The following MB21D2 variants were observed in gnomAD, a reference collection of about 807,000 sequenced individuals.
MB21D2 encodes the protein Mab-21 domain containing 2, also known as nucleotidyltransferase MB21D2.
In MB21D2, 9 loss-of-function variants were observed where a neutral mutation model predicts 33.3. The ratio of observed to expected loss-of-function variants is 0.27; its 90% CI spans 0.16 to 0.47. The LOEUF is 0.47. Ranked by LOEUF, MB21D2 falls within the 20% of genes least tolerant of loss-of-function variation. The pLI is 0.99. For missense variants in MB21D2, 540 were observed against 624.6 expected, an observed-to-expected ratio of 0.86 and a Z score of 1.44; for synonymous variants, 241 against 236.3, an observed-to-expected ratio of 1.02 and a Z score of -0.18.
chr3:192,898,212 T>C (rs1366189797), intron 1 of MB21D2, among the ~76,000 whole-genome samples: 1 of 134,324 alleles, frequency 7.4e-6, no homozygotes, highest in South Asian at 2.5e-4. Flanking sequence ...CAAAAACACA[T>C]GAATCTCACG....
intron 1 of MB21D2, among the ~76,000 whole-genome samples, chr3:192,803,301 A>G (rs1348746380): frequency 6.6e-6 from 1 of 152,252 alleles, no homozygotes; most frequent in Non-Finnish European, 1.5e-5. Flanking sequence ...AAAGGAGTCA[A>G]CATCAAGTAT....
At chr3:192,883,485 G>A (rs1713651865) in intron 1 of MB21D2, among the ~76,000 whole-genome samples, 1 of 152,098 alleles carries the variant, frequency 6.6e-6, no homozygotes, top group South Asian at 2.1e-4. Flanking sequence ...ATTGACAGTG[G>A]CTGAAGCGTA....
intron 1 of MB21D2, among the ~76,000 whole-genome samples, chr3:192,841,203 T>TA (rs747729573): frequency 1.4e-4 from 22 of 152,182 alleles, no homozygotes; most frequent in Non-Finnish European, 3.1e-4. Flanking sequence ...CCTGCAAACT[T>TA]AAACAGTGCC....
chr3:192,852,573 T>C (rs1028190981), intron 1 of MB21D2, among the ~76,000 whole-genome samples: 4 of 152,162 alleles, frequency 2.6e-5, no homozygotes, highest in African/African-American at 9.7e-5. Context: ...TCTCTTTACT[T>C]CATAGTGAAA....
chr3:192,896,043 A>G (rs1169599905), intron 1 of MB21D2, among the ~76,000 whole-genome samples: 1 of 152,246 alleles, frequency 6.6e-6, no homozygotes, highest in Non-Finnish European at 1.5e-5. Flanking sequence ...AAAACGTGGA[A>G]GAGAAGAGCA....
At chr3:192,877,078 G>T (rs1393037655) in intron 1 of MB21D2, among the ~76,000 whole-genome samples, 1 of 152,156 alleles carries the variant, frequency 6.6e-6, no homozygotes, top group Non-Finnish European at 1.5e-5. Context: ...AGGAAGAAAG[G>T]AACGGAAGAA....
At chr3:192,913,413 C>T (rs1325992501) in intron 1 of MB21D2, among the ~76,000 whole-genome samples, 2 of 152,168 alleles carry the variant, frequency 1.3e-5, no homozygotes, top group African/African-American at 4.8e-5. Flanking sequence ...AATAAATAAA[C>T]AAACATTTAT....
At chr3:192,901,628 A>T (rs1027606140) in intron 1 of MB21D2, among the ~76,000 whole-genome samples, 3 of 152,164 alleles carry the variant, frequency 2.0e-5, no homozygotes, top group Non-Finnish European at 4.4e-5. Context: ...GCCCTCGGAA[A>T]GCAGGAAAGC....
At chr3:192,877,985 A>G (rs1343705977) in intron 1 of MB21D2, among the ~76,000 whole-genome samples, 1 of 151,590 alleles carries the variant, frequency 6.6e-6, no homozygotes, top group Non-Finnish European at 1.5e-5. Flanking sequence ...AAGAAAAAAA[A>G]AAAAGAAAAA....
intron 1 of MB21D2, among the ~76,000 whole-genome samples, chr3:192,904,544 G>A (rs893088168): frequency 5.9e-5 from 9 of 152,114 alleles, no homozygotes; most frequent in East Asian, 3.8e-4. Context: ...CTTAAAGTGC[G>A]GTCCCTCAAC....
chr3:192,849,322 GGGGGC>G (rs1219800358), intron 1 of MB21D2, among the ~76,000 whole-genome samples: 1 of 133,452 alleles, frequency 7.5e-6, no homozygotes, highest in Non-Finnish European at 1.6e-5. Flanking sequence ...TTTTTGGGGG[GGGGGC>G]GGGGGGTGGG....
chr3:192,836,711 C>A (rs1279889393), intron 1 of MB21D2, among the ~76,000 whole-genome samples: 2 of 152,258 alleles, frequency 1.3e-5, no homozygotes, highest in East Asian at 3.9e-4. Context: ...TTTAAGCTAC[C>A]CTGTCTGTGG....
rs142229516 is a variant in MB21D2 at position 192,799,570 on chromosome 3, C to A, written c.292G>T (p.Val98Leu). ...TTAAGCTCATCTAAGTCCAGGTCCA[C>A]CACGCCTTCCCGGACACCTCCAGAG... The part of the protein sequence containing the change: ...LLSGGVREGV[V>L]DLDLDELNVY... The change falls in exon 2 of 2, where the codon GTG (valine) becomes TTG (leucine). Residue 98 changes from valine to leucine, a missense_variant. Coordinates refer to ENST00000392452, the MANE Select transcript of MB21D2 (RefSeq NM_178496.4). This position sits in a 1 kb window ranked among gnomAD's most constrained non-coding sequence, Gnocchi z 4.1. 99 of 1,614,034 alleles carry A rather than the reference C, an allele frequency of 6.1e-5. No individual in the cohort carries two copies. Among genetic ancestry groups the A allele is most frequent in the Non-Finnish European group, 8.2e-5 (97 of 1,180,046 alleles).
intron 1 of MB21D2, among the ~76,000 whole-genome samples, chr3:192,870,974 C>T (rs186983311): frequency 1.3e-5 from 2 of 152,302 alleles, no homozygotes; most frequent in East Asian, 3.9e-4. Flanking sequence ...TGCAACTTCT[C>T]AACCACACAT....
chr3:192,912,390 G>A lies in MB21D2; in HGVS notation c.211+5240C>T, dbSNP rs189405276. ...AAGACAAAAAGAAATTATCTCAGGC[G>A]GGGCATGGTGGCTTACGCCTGTAAT... On this transcript the variant is annotated intron_variant, in intron 1 of 1. Transcript: ENST00000392452. 1.3e-3 allele frequency among the ~76,000 whole-genome samples: 204 copies of A among 152,250 alleles called. 1 individual carries two copies. Among genetic ancestry groups the A allele is most frequent in the Middle Eastern group, 3.4e-3 (1 of 294 alleles).
At chr3:192,848,820 A>T (rs1350601489) in intron 1 of MB21D2, among the ~76,000 whole-genome samples, 1 of 152,218 alleles carries the variant, frequency 6.6e-6, no homozygotes, top group Non-Finnish European at 1.5e-5. Context: ...CCAGCAGCAG[A>T]AAAACCCATC....
At chr3:192,906,152 T>C (rs780034432) in intron 1 of MB21D2, among the ~76,000 whole-genome samples, 29 of 152,182 alleles carry the variant, frequency 1.9e-4, no homozygotes, top group Non-Finnish European at 2.9e-4. Flanking sequence ...TCATAAAATG[T>C]AGAAGTCACT....
chr3:192,838,992 T>C (rs1170877513), intron 1 of MB21D2, among the ~76,000 whole-genome samples: 1 of 152,174 alleles, frequency 6.6e-6, no homozygotes, highest in African/African-American at 2.4e-5. Context: ...GAGACCCTAC[T>C]TTCCCACTTT....
chr3:192,864,339 C>T (rs554253600), intron 1 of MB21D2, among the ~76,000 whole-genome samples: 67 of 152,204 alleles, frequency 4.4e-4, no homozygotes, highest in Non-Finnish European at 9.3e-4. Context: ...TCCAGGAAAC[C>T]CCGCAGGTGC....
Sources: gnomAD v4.1 joint callset for allele counts (sites outside exome capture counted in the v4.1 genomes callset) on GRCh38, gnomAD v4.1.1 for gene constraint, Gnocchi (gnomAD v3.1) non-coding constraint, MANE v1.5 for transcripts, NCBI Gene and HGNC (gene_info 2026-07-23, HGNC 2026-07-21) for gene names.